The following PAQR5 variants were observed in gnomAD, a reference collection of about 807,000 sequenced individuals.
The protein encoded by PAQR5 is progestin and adipoQ receptor family member 5.
In PAQR5, 20 loss-of-function variants were observed where a neutral mutation model predicts 34.5. The ratio of observed to expected loss-of-function variants is 0.58; its 90% CI spans 0.41 to 0.84. PAQR5 has a LOEUF of 0.84. PAQR5 is among the 40% of genes least tolerant of loss of function. PAQR5 has a pLI of 0.00. For missense variants in PAQR5, 378 were observed against 412.7 expected, an observed-to-expected ratio of 0.92 and a Z score of 0.73; for synonymous variants, 131 against 155.6, an observed-to-expected ratio of 0.84 and a Z score of 1.18.
chr15:69,316,278 G>C (rs535484230), intron 1 of PAQR5, among the ~76,000 whole-genome samples: 2 of 152,184 alleles, frequency 1.3e-5, no homozygotes, highest in South Asian at 4.2e-4. Context: ...CCGGGGTTTT[G>C]CCATGTTGGC....
intron 3 of PAQR5, among the ~76,000 whole-genome samples, chr15:69,369,659 T>A (rs1349443558): frequency 6.6e-6 from 1 of 151,804 alleles, no homozygotes; most frequent in Admixed American, 6.6e-5. Flanking sequence ...TTTTTTCACT[T>A]GAGATTTCCT....
At chr15:69,308,180 G>C (rs2053758519) in intron 1 of PAQR5, among the ~76,000 whole-genome samples, 1 of 152,186 alleles carries the variant, frequency 6.6e-6, no homozygotes, top group African/African-American at 2.4e-5. Flanking sequence ...CCTGCCCTGG[G>C]CATGTCATAT....
intron 6 of PAQR5, among the ~76,000 whole-genome samples, chr15:69,394,483 T>G (rs2056359345): frequency 6.6e-6 from 1 of 152,260 alleles, no homozygotes; most frequent in African/African-American, 2.4e-5. Context: ...CGTGCGCCTC[T>G]GCAATAGAAT....
At chr15:69,346,849 C>G (rs1347255113) in intron 2 of PAQR5, among the ~76,000 whole-genome samples, 2 of 150,994 alleles carry the variant, frequency 1.3e-5, no homozygotes, top group African/African-American at 4.9e-5. Context: ...GAGATAGAGT[C>G]TCTGTCGCCC....
At chr15:69,393,821 C>T (rs551494159) in intron 6 of PAQR5, among the ~76,000 whole-genome samples, 4 of 152,344 alleles carry the variant, frequency 2.6e-5, no homozygotes, top group Admixed American at 6.5e-5. Context: ...AGAGCTTTGT[C>T]GTCCCCTGAG....
chr15:69,318,483 T>C (rs1376155269), intron 1 of PAQR5, among the ~76,000 whole-genome samples: 2 of 152,104 alleles, frequency 1.3e-5, no homozygotes, highest in Non-Finnish European at 2.9e-5. Context: ...GGGGTTCTCT[T>C]TGAGGGCAGC....
chr15:69,301,605 G>A (rs1251706058), intron 1 of PAQR5, among the ~76,000 whole-genome samples: 1 of 152,196 alleles, frequency 6.6e-6, no homozygotes, highest in Admixed American at 6.5e-5. Context: ...TAAAATGAGA[G>A]CAACAGACCC....
intron 1 of PAQR5, among the ~76,000 whole-genome samples, chr15:69,327,274 G>A (rs1442584096): frequency 6.6e-6 from 1 of 152,084 alleles, no homozygotes; most frequent in Non-Finnish European, 1.5e-5. Flanking sequence ...TTACAGGTGT[G>A]AGCCACTGCG....
intron 1 of PAQR5, among the ~76,000 whole-genome samples, chr15:69,335,652 C>G (rs1595867630): frequency 1.4e-5 from 2 of 145,782 alleles, no homozygotes; most frequent in South Asian, 4.4e-4. Context: ...CAGGTTCAAG[C>G]CATTCTCCTT....
chr15:69,341,353 CTTTTTTTTT>C (rs370642387), intron 2 of PAQR5, among the ~76,000 whole-genome samples: 3 of 117,716 alleles, frequency 2.5e-5, no homozygotes, highest in Non-Finnish European at 3.3e-5. Flanking sequence ...AATTCTATTC[CTTTTTTTTT>C]TTTTTTTTTT....
chr15:69,339,586 C>A (rs1055390678), intron 2 of PAQR5, among the ~76,000 whole-genome samples: 1 of 152,140 alleles, frequency 6.6e-6, no homozygotes, highest in Non-Finnish European at 1.5e-5. Flanking sequence ...AATTCTCATG[C>A]CTCAGCTTCC....
At chr15:69,377,306 G>A (rs955130061) in intron 3 of PAQR5, among the ~76,000 whole-genome samples, 7 of 152,266 alleles carry the variant, frequency 4.6e-5, no homozygotes, top group East Asian at 1.9e-4. Context: ...AGCACGTGCC[G>A]TCCTCCTCCA....
chr15:69,352,468 C>A (rs1595885410), intron 2 of PAQR5, among the ~76,000 whole-genome samples: 1 of 152,214 alleles, frequency 6.6e-6, no homozygotes, highest in South Asian at 2.1e-4. Flanking sequence ...AGAAGTGACA[C>A]AAATGCCCAT....
At position 69,318,853 on chromosome 15, in the gene PAQR5, A is replaced by G. The variant is rs970406161; in HGVS notation, c.-276-18488A>G. Among the ~76,000 whole-genome samples the G allele has an allele frequency of 6.6e-5, 10 of 152,132 alleles. No individual in the cohort carries two copies. The South Asian group carries it at 1.7e-3, about 25-fold the overall frequency. ...GTTATAATAAAAGTTATACGATGCC[A>G]GGTGCAGTGGCTCACGCCTGTAATC... On this transcript the variant is annotated intron_variant, in intron 1 of 8. Coordinates refer to ENST00000395407, the MANE Select transcript of PAQR5 (RefSeq NM_017705.4).
intron 2 of PAQR5, among the ~76,000 whole-genome samples, chr15:69,343,676 A>G (rs1308850080): frequency 6.6e-6 from 1 of 152,182 alleles, no homozygotes; most frequent in Non-Finnish European, 1.5e-5. Flanking sequence ...ATCAGGATTC[A>G]TTTCCCATCA....
In PAQR5 at chr15:69,403,954, A is replaced by G. The variant is rs575011681; in HGVS notation, c.*132A>G. On this transcript the variant is annotated 3_prime_UTR_variant, in exon 9 of 9. Coordinates refer to ENST00000395407, the MANE Select transcript of PAQR5 (RefSeq NM_017705.4). ...TGGTTGGTGTCTTTTGAATGAATTC[A>G]TGTCAAAAATGTTATTCAGCTGGGG... is the stretch of plus-strand genomic sequence containing the variant. 53 of 931,164 alleles carry G rather than the reference A, an allele frequency of 5.7e-5. No individual in the cohort carries two copies. The allele number at this position is 931,164 out of a possible 1,614,324, so 57.7% of individuals were successfully genotyped here.
chr15:69,359,342 G>A (rs2140838498), intron 2 of PAQR5, among the ~76,000 whole-genome samples: 1 of 152,282 alleles, frequency 6.6e-6, no homozygotes, highest in South Asian at 2.1e-4. Context: ...AAACTCCTCA[G>A]ACACCGAGTT....
At chr15:69,329,984 G>T (rs2054344185) in intron 1 of PAQR5, among the ~76,000 whole-genome samples, 1 of 152,086 alleles carries the variant, frequency 6.6e-6, no homozygotes. Flanking sequence ...GCCCTGGCCA[G>T]GTAGGTATTA....
At chr15:69,329,074 C>T (rs2054318924) in intron 1 of PAQR5, among the ~76,000 whole-genome samples, 1 of 152,262 alleles carries the variant, frequency 6.6e-6, no homozygotes, top group South Asian at 2.1e-4. Flanking sequence ...CGCCAGGTTA[C>T]CCTGGGAATG....
Sources: gnomAD v4.1 joint callset for allele counts (sites outside exome capture counted in the v4.1 genomes callset) on GRCh38, gnomAD v4.1.1 for gene constraint, MANE v1.5 for transcripts, NCBI Gene and HGNC (gene_info 2026-07-23, HGNC 2026-07-21) for gene names.